The following COA1 variants were observed in gnomAD, a reference collection of about 807,000 sequenced individuals.
The protein encoded by COA1 is cytochrome c oxidase assembly factor 1 homolog.
Under a neutral mutation model 16.0 loss-of-function variants are expected in COA1, and 13 were observed. The observed-to-expected ratio is 0.81, with a 90% confidence interval of 0.53 to 1.29. COA1 has a LOEUF of 1.29. Ranked by LOEUF, COA1 falls within the 50% of genes most tolerant of loss-of-function variation. The probability of loss-of-function intolerance (pLI) is 0.00; values close to 1 mark genes in which losing one functional copy is unlikely to be tolerated. For missense variants in COA1, 179 were observed against 177.0 expected, an observed-to-expected ratio of 1.01 and a Z score of -0.06; for synonymous variants, 65 against 65.7, an observed-to-expected ratio of 0.99 and a Z score of 0.05.
intron 1 of COA1, among the ~76,000 whole-genome samples, chr7:43,726,771 A>G (rs745989560): frequency 2.0e-4 from 31 of 152,232 alleles, no homozygotes; most frequent in Non-Finnish European, 4.3e-4. Context: ...AGCATAATCT[A>G]AAAGACTATC....
At chr7:43,671,771 T>C (rs868260258) in intron 1 of COA1, among the ~76,000 whole-genome samples, 4 of 152,204 alleles carry the variant, frequency 2.6e-5, no homozygotes, top group Middle Eastern at 6.8e-3. Context: ...CACAGGGCAG[T>C]TTCCCCCATG....
intron 1 of COA1, among the ~76,000 whole-genome samples, chr7:43,652,758 G>A (rs1184153666): frequency 1.3e-5 from 2 of 152,096 alleles, no homozygotes; most frequent in Non-Finnish European, 2.9e-5. Flanking sequence ...ACTACTGGGA[G>A]GAAATGGAGA....
intron 4 of COA1, among the ~76,000 whole-genome samples, chr7:43,644,826 A>AGAGAGG (rs2088759696): frequency 6.6e-6 from 1 of 151,252 alleles, no homozygotes; most frequent in Non-Finnish European, 1.5e-5. Context: ...AGAGAGAGAG[A>AGAGAGG]GAGAGAGACA....
intron 1 of COA1, among the ~76,000 whole-genome samples, chr7:43,694,191 A>T (rs369035505): frequency 5.7e-4 from 84 of 147,978 alleles, no homozygotes; most frequent in African/African-American, 2.0e-3. Context: ...CATCTCATGA[A>T]TCATCAATTT....
At chr7:43,699,062 G>A (rs1219300689) in intron 1 of COA1, among the ~76,000 whole-genome samples, 2 of 152,108 alleles carry the variant, frequency 1.3e-5, no homozygotes. Flanking sequence ...GGAAAACTCA[G>A]AACAGCGTGG....
At chr7:43,717,862 T>C (rs1169942102) in intron 1 of COA1, among the ~76,000 whole-genome samples, 2 of 152,218 alleles carry the variant, frequency 1.3e-5, no homozygotes, top group African/African-American at 4.8e-5. Context: ...TCACAAGATC[T>C]GATGGTTTTA....
chr7:43,645,964 A>C (rs2089173126), intron 3 of COA1: 1 of 153,532 alleles, frequency 6.5e-6, no homozygotes, highest in African/African-American at 2.4e-5. Context: ...CCAACATTTC[A>C]ACTCAAACTG....
intron 6 of COA1, among the ~76,000 whole-genome samples, chr7:43,614,914 A>G (rs1289058714): frequency 6.6e-6 from 1 of 152,268 alleles, no homozygotes; most frequent in African/African-American, 2.4e-5. Context: ...GTGTAAATAC[A>G]TAAAAGGGAA....
At chr7:43,719,948 G>A (rs1015389636) in intron 1 of COA1, among the ~76,000 whole-genome samples, 1 of 152,050 alleles carries the variant, frequency 6.6e-6, no homozygotes, top group Non-Finnish European at 1.5e-5. Context: ...GAATGTTGTG[G>A]GTCAAGTTAA....
chr7:43,710,004 AAAAT>A (rs1006800694), intron 1 of COA1, among the ~76,000 whole-genome samples: 3 of 152,138 alleles, frequency 2.0e-5, no homozygotes, highest in African/African-American at 7.2e-5. Context: ...CCTAAAAATA[AAAAT>A]AAATGAAAGT....
chr7:43,647,556 T>A lies in COA1; in HGVS notation c.94A>T (p.Ile32Phe). 6.2e-7 allele frequency: 1 copy of A among 1,613,964 alleles called. No individual in the cohort carries two copies. ...HGVFYAGGFA[I>F]VYYLIQKFHS... ...TTACTTTGAATGAGGTAATACACAA[T>A]GGCAAAGCCCCCGGCATAGAACACA... Residue 32 changes from isoleucine (I) to phenylalanine (F), a missense_variant, in exon 3 of 6, where the codon ATT becomes TTT. Coordinates refer to ENST00000223336, the MANE Select transcript of COA1 (RefSeq NM_018224.4).
rs148481813 is a variant in COA1 at position 43,646,618 on chromosome 7, C to A, written c.115+917G>T. On this transcript the variant is annotated intron_variant, in intron 3 of 5. Coordinates refer to ENST00000223336, the MANE Select transcript of COA1 (RefSeq NM_018224.4). ...AGGCTGTCACACCAGAAAGCTGAAC[C>A]CTGACCCAAAAGTGCACCCATCCCT... The A allele has an allele frequency of 1.9e-4, 89 of 456,736 alleles. 2 individuals carry two copies. The highest frequency in any genetic ancestry group is 1.3e-3 in the African/African-American group (66 of 50,196). The allele number at this position is 456,736 out of a possible 1,614,324, so 28.3% of individuals were successfully genotyped here.
intron 6 of COA1, among the ~76,000 whole-genome samples, chr7:43,611,121 C>CA (rs778693550): frequency 9.3e-5 from 14 of 151,170 alleles, no homozygotes; most frequent in African/African-American, 2.7e-4. Context: ...CGTCTCAAAA[C>CA]AAAAAAAAGA....
chr7:43,666,729 A>C (rs1260132202), intron 1 of COA1, among the ~76,000 whole-genome samples: 7 of 152,208 alleles, frequency 4.6e-5, no homozygotes, highest in Non-Finnish European at 7.3e-5. Context: ...AGGCTGGGAC[A>C]TATAGAGCTG....
rs1344454985 is a variant in COA1, at chr7:43,691,286, AAAG to A, written c.-39+38140_-39+38142del. Among the ~76,000 whole-genome samples the A allele has an allele frequency of 8.2e-4, 43 of 52,472 alleles. 2 individuals carry two copies. The highest frequency in any genetic ancestry group is 7.8e-3 in the Middle Eastern group (1 of 128). 34.4% of individuals were successfully genotyped at this position (52,472 alleles called of 152,430 possible). A position where few individuals can be genotyped will look rare whatever the true frequency, so the allele number is the denominator to read the frequency against. On this transcript the variant is annotated intron_variant, in intron 1 of 5. Transcript: ENST00000223336. ...AAAGAAAAGAAAGAAAGAAAGAAAG[AAAG>A]AAAGAAAGAAAGAAAGAAAGAAAGA... is the stretch of plus-strand genomic sequence containing the variant.
intron 1 of COA1, among the ~76,000 whole-genome samples, chr7:43,678,733 A>G (rs1276175723): frequency 1.3e-5 from 2 of 152,234 alleles, no homozygotes; most frequent in Non-Finnish European, 2.9e-5. Flanking sequence ...AGAAAAACAC[A>G]AATCAAAACC....
At chr7:43,635,869 AGTGTTAAAAGATAAGT>A (rs1342447004), downstream of COA1, among the ~76,000 whole-genome samples, 1 of 111,744 alleles carries the variant, frequency 8.9e-6, no homozygotes, top group Non-Finnish European at 2.4e-5. Flanking sequence ...TTAAAAGATA[AGTGTTAAAAGATAAGT>A]GTTACATGTT....
At chr7:43,615,231 A>G (rs1006191525) in intron 6 of COA1, among the ~76,000 whole-genome samples, 3 of 152,184 alleles carry the variant, frequency 2.0e-5, no homozygotes, top group Non-Finnish European at 4.4e-5. Flanking sequence ...ATTGGAGTGC[A>G]GTGGCACTAT....
intron 1 of COA1, among the ~76,000 whole-genome samples, chr7:43,695,049 C>A (rs1264163119): frequency 2.0e-5 from 3 of 152,224 alleles, no homozygotes. Context: ...TAGATCTAGA[C>A]TGACCACTTT....
Sources: gnomAD v4.1 joint callset for allele counts (sites outside exome capture counted in the v4.1 genomes callset) on GRCh38, gnomAD v4.1.1 for gene constraint, MANE v1.5 for transcripts, NCBI Gene and HGNC (gene_info 2026-07-23, HGNC 2026-07-21) for gene names.